The following MCM9 variants were observed in gnomAD, a reference collection of about 807,000 sequenced individuals.
The protein encoded by MCM9 is minichromosome maintenance 9 homologous recombination repair factor.
In MCM9, 55 loss-of-function variants were observed where a neutral mutation model predicts 72.8. The observed-to-expected ratio is 0.76, with a 90% CI of 0.61 to 0.95. MCM9 has a LOEUF of 0.95. Among genes scored for constraint, MCM9 ranks in the 40% least tolerant of loss-of-function variants. The pLI, the probability that MCM9 is intolerant of heterozygous loss-of-function variation, is 0.00. For missense variants in MCM9, 1,279 were observed against 1,377.0 expected (o/e 0.93, Z 1.13); for synonymous variants, 480 against 503.4 (o/e 0.95, Z 0.62).
intron 1 of MCM9, among the ~76,000 whole-genome samples, chr6:118,934,221 T>G (rs1366474652): frequency 6.6e-6 from 1 of 152,246 alleles, no homozygotes; most frequent in African/African-American, 2.4e-5. Flanking sequence ...CAAAACTGAC[T>G]AATCAACTGT....
In MCM9 at chr6:118,815,110, T is replaced by C. The variant is rs1773325839; in HGVS notation, c.3146A>G (p.Lys1049Arg). ...EEVSGSNKSG[K>R]VHACTLARLA... ...TCTGGCTAATGTGCAGGCATGAACC[T>C]TGCCGCTTTTATTACTGCCTGAAAC... is the stretch of plus-strand genomic sequence containing the variant. The change falls in exon 14 of 14, where the codon AAG (lysine) becomes AGG (arginine). Residue 1049 changes from lysine to arginine, a missense_variant. Coordinates refer to ENST00000619706, the MANE Select transcript of MCM9 (RefSeq NM_017696.3). 3 of 1,550,656 alleles carry C rather than the reference T, an allele frequency of 1.9e-6. No homozygotes were observed. The highest frequency in any genetic ancestry group is 1.2e-5 in the South Asian group (1 of 84,060).
intron 8 of MCM9, among the ~76,000 whole-genome samples, chr6:118,878,946 C>T (rs1778108988): frequency 1.3e-5 from 2 of 151,988 alleles, no homozygotes; most frequent in South Asian, 4.1e-4. Flanking sequence ...GTCCTGGCTA[C>T]TTGGGTGGTT....
intron 8 of MCM9, among the ~76,000 whole-genome samples, chr6:118,892,586 T>G (rs1188834663): frequency 3.3e-5 from 5 of 152,120 alleles, no homozygotes; most frequent in Non-Finnish European, 5.9e-5. Context: ...ATATACAGAG[T>G]GTCTTACAGC....
intron 8 of MCM9, among the ~76,000 whole-genome samples, chr6:118,880,493 A>C (rs754650500): frequency 9.8e-5 from 15 of 152,342 alleles, no homozygotes; most frequent in South Asian, 2.1e-4. Flanking sequence ...TTAGCAATAC[A>C]GAAAGGACTT....
intron 9 of MCM9, among the ~76,000 whole-genome samples, chr6:118,836,918 T>C (rs1267657102): frequency 2.0e-5 from 3 of 152,200 alleles, no homozygotes; most frequent in Admixed American, 1.3e-4. Context: ...CTCTAGTTCT[T>C]TTAATTGTGA....
intron 8 of MCM9, among the ~76,000 whole-genome samples, chr6:118,881,317 G>A (rs1778273244): frequency 1.3e-5 from 2 of 151,940 alleles, no homozygotes; most frequent in South Asian, 2.1e-4. Context: ...AGATAAGAAC[G>A]TTTCCTTCCT....
intron 8 of MCM9, among the ~76,000 whole-genome samples, chr6:118,900,402 G>T (rs1328012191): frequency 6.6e-6 from 1 of 152,220 alleles, no homozygotes; most frequent in Non-Finnish European, 1.5e-5. Context: ...AATTTGGGAA[G>T]TGCTGGATTA....
intron 12 of MCM9, 145 bp downstream of exon 12, chr6:118,826,637 G>A (rs775497431): frequency 2.8e-5 from 18 of 652,696 alleles, no homozygotes; most frequent in Middle Eastern, 2.9e-4. Flanking sequence ...TCATTTAATC[G>A]GTTACCTTTG....
At chr6:118,818,835 G>T (rs1183727460) in intron 13 of MCM9, among the ~76,000 whole-genome samples, 1 of 152,108 alleles carries the variant, frequency 6.6e-6, no homozygotes, top group Non-Finnish European at 1.5e-5. Context: ...CCTTGAAGAG[G>T]TCTTTCACAT....
rs146552722 is a variant in MCM9 at position 118,832,309 on chromosome 6, C to T, written c.1326-3059G>A. The stretch of plus-strand genomic sequence containing the variant: ...GAACTCCTGGCCCCAAGAATCCTCC[C>T]GCCTTGGCCTCCCAAAGGGCTGGGA... On this transcript the variant is annotated intron_variant, in intron 9 of 13. Transcript: ENST00000619706. Among the ~76,000 whole-genome samples, 1,358 of 152,234 alleles carry T rather than the reference C, an allele frequency of 8.9e-3. 9 individuals are homozygous for T. Among genetic ancestry groups the T allele is most frequent in the African/African-American group, 0.023 (970 of 41,538 alleles).
At chr6:118,862,078 A>G (rs760199424) in intron 8 of MCM9, among the ~76,000 whole-genome samples, 7 of 152,238 alleles carry the variant, frequency 4.6e-5, no homozygotes, top group Non-Finnish European at 7.3e-5. Flanking sequence ...AAGAGTGTTC[A>G]GGCTTGGCTT....
At chr6:118,932,374 T>G (rs1011885994) in intron 2 of MCM9, among the ~76,000 whole-genome samples, 1 of 152,184 alleles carries the variant, frequency 6.6e-6, no homozygotes, top group African/African-American at 2.4e-5. Context: ...ATAATGGTAT[T>G]TATTTTACAT....
chr6:118,869,202 C>A (rs535417482), intron 8 of MCM9, among the ~76,000 whole-genome samples: 2 of 152,130 alleles, frequency 1.3e-5, no homozygotes, highest in East Asian at 1.9e-4. Context: ...TAGGTGGGAA[C>A]TGAACAATGA....
intron 9 of MCM9, among the ~76,000 whole-genome samples, chr6:118,837,352 G>C (rs561536072): frequency 6.6e-6 from 1 of 152,280 alleles, no homozygotes; most frequent in African/African-American, 2.4e-5. Context: ...CTGTTCATTT[G>C]GGCTGGAGAG....
chr6:118,831,465 A>AG (rs1774556493), intron 9 of MCM9, among the ~76,000 whole-genome samples: 1 of 152,064 alleles, frequency 6.6e-6, no homozygotes, highest in African/African-American at 2.4e-5. Context: ...GAGTGGGCAG[A>AG]GGAAGAGGAG....
chr6:118,822,328 T>G (rs890251558), intron 13 of MCM9, among the ~76,000 whole-genome samples: 2 of 152,110 alleles, frequency 1.3e-5, no homozygotes, highest in African/African-American at 4.8e-5. Context: ...TTTGTTGATG[T>G]TGTTGTTTTT....
intron 13 of MCM9, among the ~76,000 whole-genome samples, chr6:118,819,352 G>C (rs1428585344): frequency 1.3e-5 from 2 of 152,098 alleles, no homozygotes; most frequent in African/African-American, 4.8e-5. Flanking sequence ...TTTATTGAAG[G>C]CATTTTCTGC....
intron 8 of MCM9, among the ~76,000 whole-genome samples, chr6:118,880,977 A>T (rs1188651428): frequency 6.6e-6 from 1 of 152,224 alleles, no homozygotes; most frequent in Non-Finnish European, 1.5e-5. Flanking sequence ...ACCTAAGATA[A>T]GGTAATTTAT....
In MCM9 at chr6:118,828,101, T is replaced by A; in HGVS notation, c.1558A>T (p.Ser520Cys). Residue 520 changes from serine (S) to cysteine (C), a missense_variant, in exon 11 of 14, where the codon AGC becomes TGC. Physicochemically the swap from Ser to Cys is moderately radical, Grantham distance 112. Transcript: ENST00000619706. ...AAATAGGTTTTCATCTTTTCCATGCTCCAGAGCTTCTCTGATTTGCTTGGG... is the reference window on the plus strand; with the variant it reads ...AAATAGGTTTTCATCTTTTCCATGCACCAGAGCTTCTCTGATTTGCTTGGG... ...GYPSKSEKLW[S>C]MEKMKTYFCL... 6.4e-7 allele frequency: 1 copy of A among 1,550,512 alleles called. No individual in the cohort carries two copies. Among genetic ancestry groups the A allele is most frequent in the Non-Finnish European group, 8.7e-7 (1 of 1,146,984 alleles).
Sources: allele counts gnomAD v4.1 joint callset (sites outside exome capture counted in the v4.1 genomes callset), GRCh38; gene constraint gnomAD v4.1.1; transcripts MANE v1.5; gene names NCBI Gene and HGNC (gene_info 2026-07-23, HGNC 2026-07-21).